The following SCN2A variants were observed in gnomAD, a reference collection of about 807,000 sequenced individuals.
SCN2A encodes sodium voltage-gated channel alpha subunit 2.
Under a neutral mutation model 188.7 loss-of-function variants are expected in SCN2A, and 20 were observed. The ratio of observed to expected loss-of-function variants is 0.11; its 90% CI spans 0.07 to 0.15. The LOEUF (loss-of-function observed/expected upper bound fraction) is 0.15. Ranked by LOEUF, SCN2A falls within the 10% of genes least tolerant of loss-of-function variation. The pLI, the probability that SCN2A is intolerant of heterozygous loss-of-function variation, is 1.00. For synonymous variants in SCN2A, 804 were observed against 833.1 expected, an observed-to-expected ratio of 0.97 and a Z score of 0.60; for missense variants, 1,278 against 2,445.0, an observed-to-expected ratio of 0.52 and a Z score of 10.07.
At chr2:165,275,926 G>GAAATA (rs1695319617) in intron 1 of SCN2A, among the ~76,000 whole-genome samples, 2 of 152,086 alleles carry the variant, frequency 1.3e-5, no homozygotes, top group Admixed American at 1.3e-4. Context: ...GTAGAGACAG[G>GAAATA]TTTTCACCAT....
intron 16 of SCN2A, among the ~76,000 whole-genome samples, chr2:165,353,852 G>T (rs1211545494): frequency 1.3e-4 from 20 of 152,012 alleles, no homozygotes; most frequent in Admixed American, 1.2e-3. Flanking sequence ...TTGGGAGGGG[G>T]CAAATGTCCA....
chr2:165,334,048 C>T (rs965222195), intron 14 of SCN2A, among the ~76,000 whole-genome samples: 1 of 149,140 alleles, frequency 6.7e-6, no homozygotes, highest in South Asian at 2.1e-4. Context: ...GAGTAACAAG[C>T]GCCTGAAACT....
chr2:165,244,415 T>A (rs1477758763), intron 1 of SCN2A, among the ~76,000 whole-genome samples: 1 of 151,964 alleles, frequency 6.6e-6, no homozygotes, highest in Non-Finnish European at 1.5e-5. Context: ...GAAGTATAAT[T>A]TTTTTTTCTG....
intron 1 of SCN2A, among the ~76,000 whole-genome samples, chr2:165,260,777 G>A (rs1176456735): frequency 2.0e-5 from 3 of 151,834 alleles, no homozygotes; most frequent in South Asian, 4.2e-4. Context: ...GACCAGTCTG[G>A]CCGACATGAA....
chr2:165,354,106 T>A, intron 16 of SCN2A, 86 bp from the exon 17 acceptor site: 1 of 1,525,912 alleles, frequency 6.6e-7, no homozygotes. Context: ...AAATAAGGTG[T>A]CAAGAACAAT....
intron 18 of SCN2A, among the ~76,000 whole-genome samples, chr2:165,366,102 C>G (rs1020217188): frequency 6.6e-6 from 1 of 152,148 alleles, no homozygotes; most frequent in African/African-American, 2.4e-5. Context: ...ATATATCCTT[C>G]AAGATCTAGT....
chr2:165,353,850 G>C (rs1700051875), intron 16 of SCN2A, among the ~76,000 whole-genome samples: 1 of 151,984 alleles, frequency 6.6e-6, no homozygotes, highest in East Asian at 1.9e-4. Flanking sequence ...ACTTGGGAGG[G>C]GGCAAATGTC....
At chr2:165,318,691 G>A (rs1697899764) in intron 11 of SCN2A, among the ~76,000 whole-genome samples, 1 of 152,158 alleles carries the variant, frequency 6.6e-6, no homozygotes, top group African/African-American at 2.4e-5. Context: ...CCAGCTGAAT[G>A]GGGTACTGGC....
At chr2:165,380,992 A>ACG in intron 24 of SCN2A, 101 bp from the exon 25 acceptor site, 1 of 812,316 alleles carries the variant, frequency 1.2e-6, no homozygotes, top group Admixed American at 2.2e-5. Flanking sequence ...ATTAGTAACA[A>ACG]TAGAATGAAA....
chr2:165,302,761 G>A (rs938295266), intron 3 of SCN2A, among the ~76,000 whole-genome samples: 1 of 152,112 alleles, frequency 6.6e-6, no homozygotes, highest in Non-Finnish European at 1.5e-5. Flanking sequence ...CTTCATCCTC[G>A]CTCCACGGAG....
At chr2:165,349,087 A>G (rs1008505309) in intron 16 of SCN2A, among the ~76,000 whole-genome samples, 4 of 152,250 alleles carry the variant, frequency 2.6e-5, no homozygotes, top group African/African-American at 9.6e-5. Flanking sequence ...AGAAAGTGCC[A>G]TAGGGTTACA....
intron 1 of SCN2A, among the ~76,000 whole-genome samples, chr2:165,246,278 T>G (rs1033795384): frequency 2.0e-5 from 3 of 152,220 alleles, no homozygotes; most frequent in Non-Finnish European, 4.4e-5. Context: ...ACCCAAATCT[T>G]GGTAATGTCA....
intron 1 of SCN2A, among the ~76,000 whole-genome samples, chr2:165,263,539 G>A (rs4667802): frequency 0.37 from 55,874 of 151,654 alleles, 10,622 homozygotes; most frequent in African/African-American, 0.47. Context: ...TAAACATTGG[G>A]CTTTATTTCT....
intron 1 of SCN2A, among the ~76,000 whole-genome samples, chr2:165,250,743 A>T (rs571365338): frequency 6.6e-6 from 1 of 152,222 alleles, no homozygotes; most frequent in South Asian, 2.1e-4. Flanking sequence ...TGCTATAGGA[A>T]AGGATAAAAT....
At chr2:165,380,780 C>A in intron 24 of SCN2A, 51 bp downstream of exon 24, 1 of 1,399,850 alleles carries the variant, frequency 7.1e-7, no homozygotes, top group African/African-American at 1.4e-5. Flanking sequence ...CTAAATATTT[C>A]ATACTCTTTC....
Position 165,265,471 on chromosome 2 carries a change from CTATATATATATATATATATATATATATA to C in SCN2A, c.-52+25849_-52+25876del, listed in dbSNP as rs1178289931. Among the ~76,000 whole-genome samples the C allele has an allele frequency of 7.9e-4, 23 of 29,022 alleles. 1 individual carries two copies. The highest frequency in any genetic ancestry group is 1.0e-3 in the Admixed American group (2 of 1,948). The allele number at this position is 29,022 out of a possible 152,430, so 19.0% of individuals were successfully genotyped here. ...TAGGTTATGTGTTTACTCTGTTGAT[CTATATATATATATATATATATATATATA>C]TATATATATATATATATTGCTGTGC... On this transcript the variant is annotated intron_variant, in intron 1 of 26. Coordinates refer to ENST00000375437, the MANE Select transcript of SCN2A (RefSeq NM_001040142.2).
chr2:165,291,525 TTTCCTTCCTTCC>T (rs369490510), intron 1 of SCN2A, among the ~76,000 whole-genome samples: 6,282 of 58,050 alleles, frequency 0.11, 675 homozygotes, highest in Non-Finnish European at 0.13. Flanking sequence ...CTCTCCTTTC[TTTCCTTCCTTCC>T]TTCCTTCCTT....
intron 1 of SCN2A, chr2:165,285,270 C>G (rs1284904076): frequency 1.3e-5 from 2 of 154,038 alleles, no homozygotes; most frequent in African/African-American, 4.8e-5. Flanking sequence ...TGAATATACA[C>G]TTGACATCAG....
intron 13 of SCN2A, among the ~76,000 whole-genome samples, chr2:165,331,031 C>T (rs1009787862): frequency 2.6e-5 from 4 of 152,106 alleles, no homozygotes; most frequent in African/African-American, 4.8e-5. Flanking sequence ...GTATGCAATG[C>T]AAGTTCTACC....
Sources: gnomAD v4.1 joint callset for allele counts (sites outside exome capture counted in the v4.1 genomes callset) on GRCh38, gnomAD v4.1.1 for gene constraint, MANE v1.5 for transcripts, NCBI Gene and HGNC (gene_info 2026-07-23, HGNC 2026-07-21) for gene names.